The following TET1 variants were observed in gnomAD, a reference collection of about 807,000 sequenced individuals.
TET1 encodes methylcytosine dioxygenase TET1.
A neutral mutation model predicts 148.7 loss-of-function variants in TET1; 13 were observed. That is an observed-to-expected ratio of 0.09 (90% CI 0.06 to 0.14). The LOEUF is 0.14. Ranked by LOEUF, TET1 falls within the 10% of genes least tolerant of loss-of-function variation. The probability of loss-of-function intolerance (pLI) is 1.00; values close to 1 mark genes in which losing one functional copy is unlikely to be tolerated. For missense variants in TET1, 2,182 were observed against 2,553.8 expected (o/e 0.85, Z 3.14); for synonymous variants, 907 against 937.2 (o/e 0.97, Z 0.59).
intron 6 of TET1, among the ~76,000 whole-genome samples, chr10:68,654,595 A>C (rs776059963): frequency 4.6e-5 from 7 of 151,842 alleles, no homozygotes; most frequent in Non-Finnish European, 2.9e-5. Context: ...CCAGCCTGGG[A>C]GACAGAGTGA....
At chr10:68,652,896 G>A (rs1210551785) in intron 6 of TET1, among the ~76,000 whole-genome samples, 3 of 120,634 alleles carry the variant, frequency 2.5e-5, no homozygotes, top group African/African-American at 9.5e-5. Context: ...TGATCCTCCC[G>A]CCTCAGTCCC....
chr10:68,645,844 C>T lies in TET1; in HGVS notation c.3115C>T (p.Pro1039Ser), dbSNP rs1312926475. ...DNCSNDLHQL[P>S]PRNNEVEYCN... ...TTGTTCCAATGATTTGCATCAGTTG[C>T]CACCAAGAAATAATGAAGTGGAGTA... The change falls in exon 4 of 12, where the codon CCA (proline) becomes TCA (serine). Residue 1039 changes from proline (P) to serine (S), a missense_variant. Transcript: ENST00000373644. 2 of 1,614,026 alleles carry T rather than the reference C, an allele frequency of 1.2e-6. No individual in the cohort carries two copies. Among genetic ancestry groups the T allele is most frequent in the Non-Finnish European group, 1.7e-6 (2 of 1,180,018 alleles).
intron 3 of TET1, among the ~76,000 whole-genome samples, chr10:68,609,802 T>G (rs2054180852): frequency 1.3e-5 from 2 of 152,078 alleles, no homozygotes; most frequent in South Asian, 4.1e-4. Flanking sequence ...TTAAATATTT[T>G]ATATACATAT....
At chr10:68,643,158 G>A (rs1358803621) in intron 3 of TET1, among the ~76,000 whole-genome samples, 1 of 150,660 alleles carries the variant, frequency 6.6e-6, no homozygotes, top group Admixed American at 6.6e-5. Context: ...CTACTCGGGA[G>A]GCTGAGCTTG....
chr10:68,685,231 G>T (rs184129528), intron 10 of TET1, among the ~76,000 whole-genome samples: 24 of 152,274 alleles, frequency 1.6e-4, no homozygotes, highest in Non-Finnish European at 2.8e-4. Context: ...GCTGAAAAAT[G>T]TGACTACAGA....
Position 68,572,391 on chromosome 10 carries a change from T to C in TET1, c.53T>C (p.Val18Ala), listed in dbSNP as rs2053680031. 1 of 1,610,954 alleles carries C rather than the reference T, an allele frequency of 6.2e-7. No homozygotes were observed. Among genetic ancestry groups the C allele is most frequent in the Non-Finnish European group, 8.5e-7 (1 of 1,179,344 alleles). Residue 18 changes from valine (V) to alanine (A), a missense_variant, in exon 2 of 12, where the codon GTA becomes GCA. By Grantham distance (64) the Val-to-Ala change is moderately conservative. Coordinates refer to ENST00000373644, the MANE Select transcript of TET1 (RefSeq NM_030625.3). ...RPSRLVRKED[V>A]NKKKKNSQLR... ...TCCAGATTAGTCAGGAAGGAAGATG[T>C]AAACAAAAAAAAGAAAAACAGCCAA...
At chr10:68,613,878 C>T (rs1230430939) in intron 3 of TET1, among the ~76,000 whole-genome samples, 1 of 150,192 alleles carries the variant, frequency 6.7e-6, no homozygotes, top group African/African-American at 2.5e-5. Context: ...ACACTGGTTG[C>T]AGTGAGCCGA....
chr10:68,579,899 T>A (rs1197571044), intron 2 of TET1, among the ~76,000 whole-genome samples: 2 of 151,964 alleles, frequency 1.3e-5, no homozygotes, highest in African/African-American at 4.8e-5. Context: ...TCTCTCTTCT[T>A]TTTTTGAGAC....
intron 7 of TET1, among the ~76,000 whole-genome samples, chr10:68,671,151 A>C (rs1435996048): frequency 6.6e-6 from 1 of 152,156 alleles, no homozygotes; most frequent in Non-Finnish European, 1.5e-5. Context: ...CCAGCCAGCT[A>C]CTAAGCTAGT....
intron 3 of TET1, among the ~76,000 whole-genome samples, chr10:68,623,767 A>C (rs2054408555): frequency 6.6e-6 from 1 of 152,214 alleles, no homozygotes; most frequent in Admixed American, 6.5e-5. Flanking sequence ...ACACTCATTT[A>C]GCTGAGGTCT....
chr10:68,653,394 A>C, intron 6 of TET1, among the ~76,000 whole-genome samples: 1 of 152,190 alleles, frequency 6.6e-6, no homozygotes, highest in East Asian at 1.9e-4. Context: ...TAATGTTTCC[A>C]TGTCTGATAG....
intron 10 of TET1, among the ~76,000 whole-genome samples, chr10:68,684,631 A>T (rs531132944): frequency 1.1e-4 from 17 of 152,156 alleles, no homozygotes; most frequent in Admixed American, 1.1e-3. Context: ...CAGGGCCCGG[A>T]TTACTCACTC....
chr10:68,585,370 G>A (rs113265346), intron 2 of TET1, among the ~76,000 whole-genome samples: 5,028 of 152,124 alleles, frequency 0.033, 109 homozygotes, highest in Non-Finnish European at 0.05. Flanking sequence ...CTGACGTCAG[G>A]TGATCAGCCT....
intron 3 of TET1, among the ~76,000 whole-genome samples, chr10:68,632,027 G>A (rs2054579434): frequency 6.6e-6 from 1 of 151,800 alleles, no homozygotes; most frequent in African/African-American, 2.4e-5. Flanking sequence ...CTAAACCCTA[G>A]TAGAAAACAG....
chr10:68,658,226 T>TC (rs1315368535), intron 6 of TET1, among the ~76,000 whole-genome samples: 2 of 152,286 alleles, frequency 1.3e-5, no homozygotes, highest in East Asian at 3.9e-4. Context: ...TCTCTTGTCT[T>TC]CTTTTTTTTG....
chr10:68,656,958 G>C (rs577394005), intron 6 of TET1, among the ~76,000 whole-genome samples: 1 of 151,738 alleles, frequency 6.6e-6, no homozygotes, highest in Non-Finnish European at 1.5e-5. Flanking sequence ...CCCAGGAGGC[G>C]GAGGTTGCCG....
intron 3 of TET1, among the ~76,000 whole-genome samples, chr10:68,606,230 G>A (rs1323302646): frequency 6.6e-6 from 1 of 152,020 alleles, no homozygotes; most frequent in Non-Finnish European, 1.5e-5. Flanking sequence ...CGCCAGGTGT[G>A]GTGGCAGGTG....
rs112456334 is a variant in TET1 at position 68,573,471 on chromosome 10, T to C, written c.1133T>C (p.Leu378Pro). The C allele has an allele frequency of 6.2e-7, 1 of 1,614,214 alleles. No homozygotes were observed. Among genetic ancestry groups the C allele is most frequent in the Non-Finnish European group, 8.5e-7 (1 of 1,180,040 alleles). The stretch of plus-strand genomic sequence containing the variant: ...GGTGCTATCCCACATCAATGGGAAC[T>C]TCCTGGTGCTGACCCAGTTCATGGT... ...AFGAIPHQWELPGADPVHGEA... is the reference protein window; with the variant it reads ...AFGAIPHQWEPPGADPVHGEA... The change falls in exon 2 of 12, where the codon CTT becomes CCT. Residue 378 changes from leucine to proline, a missense_variant. Leu to Pro is a moderately conservative substitution (Grantham distance 98, BLOSUM62 -3). Around this residue, in one of 11 missense-constraint regions of TET1, gnomAD observed 665 missense variants for 672.4 expected, o/e 0.99. Coordinates refer to ENST00000373644, the MANE Select transcript of TET1 (RefSeq NM_030625.3).
intron 6 of TET1, among the ~76,000 whole-genome samples, chr10:68,655,067 G>A (rs1204169054): frequency 6.6e-6 from 1 of 152,116 alleles, no homozygotes; most frequent in Non-Finnish European, 1.5e-5. Context: ...AAGAGGTTGA[G>A]GCCAGGAGTT....
Sources: gnomAD v4.1 joint callset for allele counts (sites outside exome capture counted in the v4.1 genomes callset) on GRCh38, gnomAD v4.1.1 for gene constraint, gnomAD v4.1.1 regional missense constraint, MANE v1.5 for transcripts, NCBI Gene and HGNC (gene_info 2026-07-23, HGNC 2026-07-21) for gene names.